Variants in ALCAM observed in about 807,000 individuals in gnomAD.
ALCAM encodes the protein activated leukocyte cell adhesion molecule, also known as CD166 antigen.
A neutral mutation model predicts 70.9 loss-of-function variants in ALCAM; 30 were observed. The observed-to-expected ratio is 0.42, with a 90% confidence interval of 0.32 to 0.57. The LOEUF (loss-of-function observed/expected upper bound fraction) is 0.57. Among genes scored for constraint, ALCAM ranks in the 20% least tolerant of loss-of-function variants. The pLI is 0.11. For synonymous variants in ALCAM, 249 were observed against 242.5 expected (o/e 1.03, Z -0.25); for missense variants, 591 against 695.1 (o/e 0.85, Z 1.68).
chr3:105,450,678 A>G (rs1576170996), intron 1 of ALCAM, among the ~76,000 whole-genome samples: 1 of 152,162 alleles, frequency 6.6e-6, no homozygotes, highest in East Asian at 1.9e-4. Flanking sequence ...TATGTCTCAG[A>G]CAGAATAGAT....
intron 6 of ALCAM, among the ~76,000 whole-genome samples, chr3:105,537,767 C>A (rs1940009568): frequency 6.6e-6 from 1 of 152,116 alleles, no homozygotes; most frequent in African/African-American, 2.4e-5. Context: ...TGGTCATACT[C>A]TTAATTATTA....
At chr3:105,574,102 T>C (rs1940913983) in intron 15 of ALCAM, among the ~76,000 whole-genome samples, 1 of 152,196 alleles carries the variant, frequency 6.6e-6, no homozygotes, top group Non-Finnish European at 1.5e-5. Context: ...AGATTTTAAC[T>C]ACTGTTTTCT....
intron 1 of ALCAM, among the ~76,000 whole-genome samples, chr3:105,411,836 G>C (rs1936396990): frequency 6.6e-6 from 1 of 152,068 alleles, no homozygotes; most frequent in Non-Finnish European, 1.5e-5. Context: ...AAGCTCTACA[G>C]TCCTCTGTGT....
rs373724023 is a variant in ALCAM at position 105,379,498 on chromosome 3, G to A, written c.73+12017G>A. The stretch of plus-strand genomic sequence containing the variant: ...CCACAAAAAAAAGAGAAAAAAACAC[G>A]TGTTAAAATTATAAAGACATATGTA... On this transcript the variant is annotated intron_variant, in intron 1 of 15. Coordinates refer to ENST00000306107, the MANE Select transcript of ALCAM (RefSeq NM_001627.4). 3.6e-4 allele frequency among the ~76,000 whole-genome samples: 55 copies of A among 151,618 alleles called. 1 individual carries two copies. The East Asian group carries it at 6.0e-3, about 17-fold the overall frequency.
In ALCAM at chr3:105,368,854, A is replaced by T. The variant is rs193026011; in HGVS notation, c.73+1373A>T. ...AGCTCACCTGATGTTTCTGAGGCTG[A>T]GGGAAAAAAAAGGCGTCTGCGTTCT... On this transcript the variant is annotated intron_variant, in intron 1 of 15. Transcript: ENST00000306107. 4.5e-4 allele frequency among the ~76,000 whole-genome samples: 69 copies of T among 152,120 alleles called. 1 individual carries two copies. Among genetic ancestry groups the T allele is most frequent in the Admixed American group, 2.6e-3 (40 of 15,286 alleles).
intron 1 of ALCAM, among the ~76,000 whole-genome samples, chr3:105,403,608 A>G (rs13093663): frequency 0.7 from 106,895 of 151,858 alleles, 37,893 homozygotes; most frequent in East Asian, 0.9. Context: ...CAGATCTGCC[A>G]TCTGACATAG....
At chr3:105,506,949 CCT>C (rs142994479) in intron 1 of ALCAM, among the ~76,000 whole-genome samples, 4,412 of 152,270 alleles carry the variant, frequency 0.029, 192 homozygotes, top group African/African-American at 0.1. Context: ...ACTGGAATCA[CCT>C]CTGCTAATGG....
intron 1 of ALCAM, among the ~76,000 whole-genome samples, chr3:105,419,042 C>T (rs911323241): frequency 2.6e-5 from 4 of 151,720 alleles, no homozygotes; most frequent in Non-Finnish European, 5.9e-5. Context: ...CCAGATACAA[C>T]TGCATCTATG....
intron 3 of ALCAM, 123 bp downstream of exon 3, chr3:105,524,631 T>C (rs1939649356): frequency 1.4e-6 from 2 of 1,443,686 alleles, no homozygotes; most frequent in Non-Finnish European, 1.8e-6. Context: ...ATAAGGGGAC[T>C]TAAAGAGATC....
intron 5 of ALCAM, among the ~76,000 whole-genome samples, chr3:105,533,931 A>T (rs750673443): frequency 1.3e-5 from 2 of 152,138 alleles, no homozygotes; most frequent in Non-Finnish European, 2.9e-5. Flanking sequence ...CAAAATAATT[A>T]TGCAACTCAC....
At chr3:105,385,446 G>T (rs1935626093) in intron 1 of ALCAM, among the ~76,000 whole-genome samples, 1 of 151,524 alleles carries the variant, frequency 6.6e-6, no homozygotes, top group Non-Finnish European at 1.5e-5. Context: ...AAAGGAACTT[G>T]CTATTTAAAA....
At chr3:105,490,837 G>T (rs1028831095) in intron 1 of ALCAM, among the ~76,000 whole-genome samples, 1 of 152,198 alleles carries the variant, frequency 6.6e-6, no homozygotes. Flanking sequence ...GCATTGAGCA[G>T]CTTTTCTCGG....
At chr3:105,547,812 A>G (rs1046636547) in intron 11 of ALCAM, among the ~76,000 whole-genome samples, 1 of 151,484 alleles carries the variant, frequency 6.6e-6, no homozygotes, top group Non-Finnish European at 1.5e-5. Context: ...TAAATTAGGT[A>G]TTACTTCATG....
intron 1 of ALCAM, among the ~76,000 whole-genome samples, chr3:105,450,394 C>G (rs938571618): frequency 1.3e-5 from 2 of 152,184 alleles, no homozygotes; most frequent in African/African-American, 4.8e-5. Context: ...CCTTTACCTT[C>G]TCAATGTCCT....
chr3:105,479,054 C>T (rs936120026), intron 1 of ALCAM, among the ~76,000 whole-genome samples: 100 of 151,956 alleles, frequency 6.6e-4, no homozygotes, highest in African/African-American at 2.3e-3. Context: ...ATTTAGGAAA[C>T]GAGATAATAG....
intron 1 of ALCAM, 92 bp downstream of exon 1, chr3:105,367,573 C>A (rs1021295019): frequency 6.8e-6 from 10 of 1,461,980 alleles, no homozygotes; most frequent in Non-Finnish European, 8.5e-6. Context: ...CGAGGCAGTG[C>A]GCCCAGGCGC....
At chr3:105,553,502 T>C (rs546187698) in intron 14 of ALCAM, among the ~76,000 whole-genome samples, 3 of 151,992 alleles carry the variant, frequency 2.0e-5, no homozygotes, top group Admixed American at 6.6e-5. Flanking sequence ...TTTTATATTA[T>C]GTCTGATATG....
intron 1 of ALCAM, among the ~76,000 whole-genome samples, chr3:105,436,760 A>G (rs560379203): frequency 6.6e-6 from 1 of 152,172 alleles, no homozygotes; most frequent in Non-Finnish European, 1.5e-5. Context: ...GCATGTGCAC[A>G]TCTCTTGAGC....
intron 1 of ALCAM, among the ~76,000 whole-genome samples, chr3:105,393,599 C>T (rs536661489): frequency 2.6e-4 from 39 of 151,976 alleles, no homozygotes; most frequent in African/African-American, 8.2e-4. Flanking sequence ...TACTTATACT[C>T]ACTCTTAGAA....
Sources: gnomAD v4.1 joint callset for allele counts (sites outside exome capture counted in the v4.1 genomes callset) on GRCh38, gnomAD v4.1.1 for gene constraint, MANE v1.5 for transcripts, NCBI Gene and HGNC (gene_info 2026-07-23, HGNC 2026-07-21) for gene names.